Variants in KLF3 observed in about 807,000 individuals in gnomAD.
The protein encoded by KLF3 is Krueppel-like factor 3.
KLF3 carries 6 observed loss-of-function variants against 32.7 expected under a neutral mutation model. The observed-to-expected ratio is 0.18, with a 90% CI of 0.10 to 0.36. The LOEUF (loss-of-function observed/expected upper bound fraction) is 0.36. Among genes scored for constraint, KLF3 ranks in the 10% least tolerant of loss-of-function variants. KLF3 has a pLI of 1.00. For synonymous variants in KLF3, 145 were observed against 172.8 expected, an observed-to-expected ratio of 0.84 and a Z score of 1.26; for missense variants, 338 against 449.7, an observed-to-expected ratio of 0.75 and a Z score of 2.25.
chr4:38,680,222 T>TG (rs1253179012), intron 1 of KLF3, among the ~76,000 whole-genome samples: 1 of 148,746 alleles, frequency 6.7e-6, no homozygotes, highest in East Asian at 2.1e-4. Context: ...TTTATTTATG[T>TG]TTTTTTTTTG....
intron 1 of KLF3, among the ~76,000 whole-genome samples, chr4:38,672,886 G>A (rs1194981702): frequency 2.6e-5 from 4 of 151,986 alleles, no homozygotes; most frequent in Non-Finnish European, 4.4e-5. Context: ...AAGGAGGTGA[G>A]GAAGGCTTCA....
intron 1 of KLF3, among the ~76,000 whole-genome samples, chr4:38,676,680 A>G (rs952438586): frequency 6.7e-6 from 1 of 149,106 alleles, no homozygotes; most frequent in East Asian, 1.9e-4. Flanking sequence ...GCTTGTAGAC[A>G]TGTGAAATAG....
Position 38,688,457 on chromosome 4 carries a change from G to T in KLF3, c.58-128G>T. 1 of 942,852 alleles carries T rather than the reference G, an allele frequency of 1.1e-6. No individual in the cohort carries two copies. The highest frequency in any genetic ancestry group is 1.6e-6 in the Non-Finnish European group (1 of 635,556). 58.4% of individuals were successfully genotyped at this position (942,852 alleles called of 1,614,324 possible). A position where few individuals can be genotyped will look rare whatever the true frequency, so the allele number is the denominator to read the frequency against. On this transcript the variant is annotated intron_variant, in intron 2 of 5. Transcript: ENST00000261438. The surrounding 1 kb of genome is among the most constrained non-coding windows in gnomAD (Gnocchi z 4.9). ...ATTTTTTTAAGGTCACATATATATC[G>T]AAATCTAAACTATTTTGTAAAGCCC...
intron 2 of KLF3, among the ~76,000 whole-genome samples, chr4:38,683,293 C>G (rs1481713095): frequency 6.6e-6 from 1 of 152,044 alleles, no homozygotes; most frequent in Non-Finnish European, 1.5e-5. Context: ...CTCTTCCCAC[C>G]CCCTAAAAGG....
rs191271530 is a variant in KLF3, at chr4:38,676,023, A to C, written c.-39-4564A>C. 2.7e-3 allele frequency among the ~76,000 whole-genome samples: 418 copies of C among 152,280 alleles called. 2 individuals are homozygous for C. Among genetic ancestry groups the C allele is most frequent in the African/African-American group, 9.8e-3 (407 of 41,544 alleles). On this transcript the variant is annotated intron_variant, in intron 1 of 5. Coordinates refer to ENST00000261438, the MANE Select transcript of KLF3 (RefSeq NM_016531.6). Reference sequence around the variant, plus strand: ...CAGAGATATGGGTGCAAAGTATAGAAATTTTTTGCAAATACATAAACAGAA... The same window carrying C: ...CAGAGATATGGGTGCAAAGTATAGACATTTTTTGCAAATACATAAACAGAA...
At position 38,688,574 on chromosome 4, in the gene KLF3, TTTTC is replaced by T; in HGVS notation, c.58-9_58-6del. 6.4e-7 allele frequency: 1 copy of T among 1,558,552 alleles called. No individual in the cohort carries two copies. Among genetic ancestry groups the T allele is most frequent in the Non-Finnish European group, 8.7e-7 (1 of 1,149,678 alleles). On this transcript the variant is annotated splice_polypyrimidine_tract_variant and splice_region_variant and intron_variant, in intron 2 of 5. Coordinates refer to ENST00000261438, the MANE Select transcript of KLF3 (RefSeq NM_016531.6). This position sits in a 1 kb window ranked among gnomAD's most constrained non-coding sequence, Gnocchi z 4.9. The stretch of plus-strand genomic sequence containing the variant: ...TGGCTGTTGACACGTTTTCCTTTTC[TTTTC>T]TAATAGTCATACCCATCTAATTACA...
In KLF3 at chr4:38,700,912, A is replaced by G. The variant is rs1189943518; in HGVS notation, c.*3649A>G. The G allele has an allele frequency of 1.3e-5, 2 of 152,220 alleles. No individual in the cohort carries two copies. The highest frequency in any genetic ancestry group is 6.5e-5 in the Admixed American group (1 of 15,284). The allele number at this position is 152,220 out of a possible 1,614,324, so 9.4% of individuals were successfully genotyped here. ...TTCTCTGTTTCTACTCTGTAGTCCA[A>G]TGGGAATTCAGTAATGACATTTTGT... On this transcript the variant is annotated 3_prime_UTR_variant, in exon 6 of 6. Transcript: ENST00000261438.
intron 1 of KLF3, among the ~76,000 whole-genome samples, chr4:38,668,749 C>A (rs1722112237): frequency 1.3e-5 from 2 of 152,132 alleles, no homozygotes; most frequent in African/African-American, 2.4e-5. Context: ...TAAACAGAGT[C>A]TTTATTTGGC....
intron 2 of KLF3, among the ~76,000 whole-genome samples, chr4:38,687,862 G>C (rs1009896590): frequency 6.6e-6 from 1 of 152,122 alleles, no homozygotes; most frequent in African/African-American, 2.4e-5. Context: ...TATGGTGACT[G>C]ACCCCCTCCT....
intron 1 of KLF3, among the ~76,000 whole-genome samples, chr4:38,668,191 G>C (rs775522556): frequency 2.6e-5 from 4 of 152,088 alleles, no homozygotes; most frequent in Non-Finnish European, 4.4e-5. Flanking sequence ...TCAGTTGTGG[G>C]TTAATGAATT....
intron 5 of KLF3, among the ~76,000 whole-genome samples, chr4:38,695,807 G>A (rs2109257950): frequency 6.6e-6 from 1 of 152,236 alleles, no homozygotes; most frequent in East Asian, 1.9e-4. Context: ...CTTTGATGTG[G>A]AATTCTAGTT....
rs1723154831 is a variant in KLF3 at position 38,699,969 on chromosome 4, TCGCAATATTTTAA to T, written c.*2707_*2719del. 1 of 152,266 alleles carries T rather than the reference TCGCAATATTTTAA, an allele frequency of 6.6e-6. No individual in the cohort carries two copies. Among genetic ancestry groups the T allele is most frequent in the Non-Finnish European group, 1.5e-5 (1 of 68,048 alleles). 9.4% of individuals were successfully genotyped at this position (152,266 alleles called of 1,614,324 possible). A position where few individuals can be genotyped will look rare whatever the true frequency, so the allele number is the denominator to read the frequency against. On this transcript the variant is annotated 3_prime_UTR_variant, in exon 6 of 6. Transcript: ENST00000261438. Reference sequence around the variant, plus strand: ...ATGTTACTATCAATGGTGATTTCAATCGCAATATTTTAAATTGATGAGAATGATTTGTAAACAT... The same window carrying T: ...ATGTTACTATCAATGGTGATTTCAATATTGATGAGAATGATTTGTAAACAT...
chr4:38,680,764 A>G, intron 2 of KLF3, 82 bp downstream of exon 2: 2 of 1,167,066 alleles, frequency 1.7e-6, no homozygotes, highest in Non-Finnish European at 2.6e-6. Flanking sequence ...ATTCCTTGAA[A>G]TCATGGCCGG....
chr4:38,689,821 G>A lies in KLF3; in HGVS notation c.637G>A (p.Glu213Lys). The change falls in exon 4 of 6, where the codon GAA (glutamate) becomes AAA (lysine). Residue 213 changes from glutamate (E) to lysine (K), a missense_variant. Coordinates refer to ENST00000261438, the MANE Select transcript of KLF3 (RefSeq NM_016531.6). ...ACCACAGAGGACAGATTATTATCCTGAAGAAATGTCACCCCCCTTAATGAA... is the reference window on the plus strand; with the variant it reads ...ACCACAGAGGACAGATTATTATCCTAAAGAAATGTCACCCCCCTTAATGAA... ...IEPQRTDYYPEEMSPPLMNSV... is the reference protein window; with the variant it reads ...IEPQRTDYYPKEMSPPLMNSV... The A allele has an allele frequency of 1.2e-6, 2 of 1,613,650 alleles. No homozygotes were observed. The highest frequency in any genetic ancestry group is 2.2e-5 in the South Asian group (2 of 91,018).
In KLF3 at chr4:38,699,270, T is replaced by C. The variant is rs970365609; in HGVS notation, c.*2007T>C. On this transcript the variant is annotated 3_prime_UTR_variant, in exon 6 of 6. Coordinates refer to ENST00000261438, the MANE Select transcript of KLF3 (RefSeq NM_016531.6). ...TTTTTCAGCTAAAGGCAAAGATAAT[T>C]TTTTTTTCAGCTGAAGTTTTTCTTT... The C allele has an allele frequency of 6.6e-6, 1 of 152,104 alleles. No individual in the cohort carries two copies. The highest frequency in any genetic ancestry group is 6.6e-5 in the Admixed American group (1 of 15,264). 9.4% of individuals were successfully genotyped at this position (152,104 alleles called of 1,614,324 possible). A position where few individuals can be genotyped will look rare whatever the true frequency, so the allele number is the denominator to read the frequency against.
Position 38,689,961 on chromosome 4 carries a change from T to C in KLF3, c.695+82T>C, listed in dbSNP as rs1722828332. On this transcript the variant is annotated intron_variant, in intron 4 of 5. Coordinates refer to ENST00000261438, the MANE Select transcript of KLF3 (RefSeq NM_016531.6). ...GAGCAGAAGCACAAGATTTCACACG[T>C]GTGATGTGGTGTGGATGACCAGGAA... The C allele has an allele frequency of 1.3e-5, 18 of 1,392,546 alleles. No individual in the cohort carries two copies. In the South Asian group the frequency reaches 2.5e-4, roughly 19 times the overall value. 86.3% of individuals were successfully genotyped at this position (1,392,546 alleles called of 1,614,324 possible).
In KLF3 at chr4:38,697,378, C is replaced by A; in HGVS notation, c.*115C>A. 1 of 961,268 alleles carries A rather than the reference C, an allele frequency of 1.0e-6. No homozygotes were observed. Among genetic ancestry groups the A allele is most frequent in the Non-Finnish European group, 1.5e-6 (1 of 654,868 alleles). 59.5% of individuals were successfully genotyped at this position (961,268 alleles called of 1,614,324 possible). ...TACATTTTAATTTGATTCAGCTGGT[C>A]TGAATCTCTGAATTTATATCATCCA... On this transcript the variant is annotated 3_prime_UTR_variant, in exon 6 of 6. Coordinates refer to ENST00000261438, the MANE Select transcript of KLF3 (RefSeq NM_016531.6).
rs1267311129 is a variant in KLF3 at position 38,701,263 on chromosome 4, T to C, written c.*4000T>C. Among the ~76,000 whole-genome samples, 3 of 152,232 alleles carry C rather than the reference T, an allele frequency of 2.0e-5. No individual in the cohort carries two copies. The highest frequency in any genetic ancestry group is 4.4e-5 in the Non-Finnish European group (3 of 68,038). ...ACAGCCAACAGGAAGTCTCCTAGGC[T>C]GAAATCATAAAACTGCAGACAATCC... is the stretch of plus-strand genomic sequence containing the variant. On this transcript the variant is annotated 3_prime_UTR_variant, in exon 6 of 6. Transcript: ENST00000261438.
At chr4:38,678,304 T>C (rs1722411976) in intron 1 of KLF3, among the ~76,000 whole-genome samples, 2 of 152,170 alleles carry the variant, frequency 1.3e-5, no homozygotes, top group Admixed American at 1.3e-4. Flanking sequence ...CTTAGAACCA[T>C]GTTCATCCGT....
Sources: allele counts gnomAD v4.1 joint callset (sites outside exome capture counted in the v4.1 genomes callset), GRCh38; gene constraint gnomAD v4.1.1; non-coding constraint Gnocchi (gnomAD v3.1); transcripts MANE v1.5; gene names NCBI Gene and HGNC (gene_info 2026-07-23, HGNC 2026-07-21).